Variants in ADGRA3 observed in about 807,000 individuals in gnomAD.
ADGRA3 encodes the protein adhesion G protein-coupled receptor A3, also known as G-protein coupled receptor 125.
Under a neutral mutation model 119.8 loss-of-function variants are expected in ADGRA3, and 56 were observed. The observed-to-expected ratio is 0.47, with a 90% CI of 0.38 to 0.58. ADGRA3 has a LOEUF of 0.58. ADGRA3 is among the 20% of genes least tolerant of loss of function. The pLI is 0.00. For synonymous variants in ADGRA3, 607 were observed against 623.8 expected (o/e 0.97, Z 0.40); for missense variants, 1,516 against 1,649.0 (o/e 0.92, Z 1.40).
At chr4:22,495,707 G>C (rs1718795524) in intron 1 of ADGRA3, among the ~76,000 whole-genome samples, 1 of 151,966 alleles carries the variant, frequency 6.6e-6, no homozygotes, top group Admixed American at 6.6e-5. Context: ...AGGAGATCGA[G>C]ATCATCCTGG....
intron 1 of ADGRA3, among the ~76,000 whole-genome samples, chr4:22,477,908 G>C (rs1718108478): frequency 6.6e-6 from 1 of 152,168 alleles, no homozygotes. Flanking sequence ...ATAGGGGACT[G>C]TGGAACTAGC....
At chr4:22,512,156 C>T (rs1045727279) in intron 1 of ADGRA3, among the ~76,000 whole-genome samples, 37 of 152,018 alleles carry the variant, frequency 2.4e-4, no homozygotes, top group African/African-American at 8.9e-4. Context: ...CCATCTCAAC[C>T]TCCCAAAGTA....
In ADGRA3 at chr4:22,420,810, A is replaced by G. The variant is rs540317458; in HGVS notation, c.1809+76T>C. The G allele has an allele frequency of 6.5e-4, 920 of 1,406,996 alleles. 5 individuals carry two copies. The highest frequency in any genetic ancestry group is 2.3e-3 in the Admixed American group (130 of 56,578). 87.2% of individuals were successfully genotyped at this position (1,406,996 alleles called of 1,614,324 possible). On this transcript the variant is annotated intron_variant, in intron 12 of 18. Transcript: ENST00000334304. ...AAAAAAAAAATCTTTTAATAAGGTT[A>G]TTTTGCGAAGCAGAACATTTGGAGC... is the stretch of plus-strand genomic sequence containing the variant.
chr4:22,442,207 G>T (rs1716641641), intron 7 of ADGRA3, among the ~76,000 whole-genome samples: 1 of 152,010 alleles, frequency 6.6e-6, no homozygotes, highest in African/African-American at 2.4e-5. Flanking sequence ...CACCAATTAT[G>T]AGGTTGATAG....
At chr4:22,432,598 C>T (rs1343487096) in intron 10 of ADGRA3, among the ~76,000 whole-genome samples, 3 of 152,162 alleles carry the variant, frequency 2.0e-5, no homozygotes, top group Non-Finnish European at 2.9e-5. Context: ...AAAGCATCAT[C>T]AGATCTAATC....
At chr4:22,422,795 G>A (rs1162625413) in intron 11 of ADGRA3, among the ~76,000 whole-genome samples, 1 of 152,154 alleles carries the variant, frequency 6.6e-6, no homozygotes, top group Non-Finnish European at 1.5e-5. Context: ...GCTAAAGGAT[G>A]AGATTTAAAA....
chr4:22,503,907 G>T (rs1719141409), intron 1 of ADGRA3, among the ~76,000 whole-genome samples: 3 of 152,100 alleles, frequency 2.0e-5, no homozygotes. Flanking sequence ...CTTCTTGTGT[G>T]GAGACATCTT....
At chr4:22,501,603 T>C (rs533215520) in intron 1 of ADGRA3, among the ~76,000 whole-genome samples, 207 of 152,200 alleles carry the variant, frequency 1.4e-3, no homozygotes, top group Non-Finnish European at 2.6e-3. Flanking sequence ...TCCTGGGGAC[T>C]CCCCACGTTT....
chr4:22,471,066 G>C (rs1230288954), intron 2 of ADGRA3, among the ~76,000 whole-genome samples: 1 of 152,152 alleles, frequency 6.6e-6, no homozygotes, highest in Non-Finnish European at 1.5e-5. Flanking sequence ...GGAAGACATA[G>C]GAGAGACGCA....
At chr4:22,419,232 T>A (rs955673940) in intron 12 of ADGRA3, among the ~76,000 whole-genome samples, 4 of 122,524 alleles carry the variant, frequency 3.3e-5, no homozygotes, top group Non-Finnish European at 1.7e-5. Flanking sequence ...GTTTTCTAGT[T>A]AGTATATTCA....
rs368455352 is a variant in ADGRA3, at chr4:22,401,384, T to C, written c.2481+47A>G. The C allele has an allele frequency of 2.6e-6, 4 of 1,532,978 alleles. No homozygotes were observed. In the African/African-American group the frequency reaches 4.1e-5, roughly 16 times the overall value. The allele number at this position is 1,532,978 out of a possible 1,614,324, so 95.0% of individuals were successfully genotyped here. ...CTTTTTATAGTTAATGAAATTATCT[T>C]CTAATACCAGTAATTTTTTCCATTT... On this transcript the variant is annotated intron_variant, in intron 16 of 18. Coordinates refer to ENST00000334304, the MANE Select transcript of ADGRA3 (RefSeq NM_145290.4).
At chr4:22,396,141 G>A (rs1417879750) in intron 16 of ADGRA3, among the ~76,000 whole-genome samples, 2 of 152,114 alleles carry the variant, frequency 1.3e-5, no homozygotes, top group Non-Finnish European at 2.9e-5. Flanking sequence ...CCAGACTTGA[G>A]TCAACGGCCC....
At chr4:22,508,350 T>G (rs1353262168) in intron 1 of ADGRA3, among the ~76,000 whole-genome samples, 2 of 152,172 alleles carry the variant, frequency 1.3e-5, no homozygotes, top group Admixed American at 6.5e-5. Context: ...TATAAACTGC[T>G]CAGGGGACAC....
chr4:22,498,590 C>T (rs554358057), intron 1 of ADGRA3, among the ~76,000 whole-genome samples: 3 of 151,614 alleles, frequency 2.0e-5, no homozygotes, highest in African/African-American at 7.3e-5. Context: ...TGCAATCCAG[C>T]CTAAGCAATG....
rs1430476243 is a variant in ADGRA3 at position 22,401,566 on chromosome 4, A to C, written c.2358-12T>G. 1 of 1,594,806 alleles carries C rather than the reference A, an allele frequency of 6.3e-7. No individual in the cohort carries two copies. The highest frequency in any genetic ancestry group is 1.1e-5 in the South Asian group (1 of 87,876). ...TGATTCTAATCAAACTGTTTAAAAA[A>C]GAGAGAAAATATTAATATTCAGGCT... On this transcript the variant is annotated splice_polypyrimidine_tract_variant and intron_variant, in intron 15 of 18. Coordinates refer to ENST00000334304, the MANE Select transcript of ADGRA3 (RefSeq NM_145290.4).
chr4:22,467,122 T>C (rs1560332011), intron 2 of ADGRA3, among the ~76,000 whole-genome samples: 1 of 152,202 alleles, frequency 6.6e-6, no homozygotes, highest in Admixed American at 6.5e-5. Context: ...CAAACATATG[T>C]AAGCATATTC....
intron 1 of ADGRA3, among the ~76,000 whole-genome samples, chr4:22,495,647 G>C (rs1281587960): frequency 6.6e-6 from 1 of 151,454 alleles, no homozygotes; most frequent in Non-Finnish European, 1.5e-5. Context: ...GGTGGCTCAC[G>C]CCTGTAATCC....
chr4:22,416,415 A>T (rs865837443), intron 12 of ADGRA3, among the ~76,000 whole-genome samples: 4 of 152,200 alleles, frequency 2.6e-5, no homozygotes, highest in South Asian at 2.1e-4. Context: ...ATGAGATCTG[A>T]AATAAAGGAT....
chr4:22,454,338 G>A (rs1196007229), intron 4 of ADGRA3, among the ~76,000 whole-genome samples: 2 of 152,072 alleles, frequency 1.3e-5, no homozygotes, highest in East Asian at 1.9e-4. Flanking sequence ...AAACAGAAAA[G>A]TTCAGAAAAG....
Sources: allele counts gnomAD v4.1 joint callset (sites outside exome capture counted in the v4.1 genomes callset), GRCh38; gene constraint gnomAD v4.1.1; transcripts MANE v1.5; gene names NCBI Gene and HGNC (gene_info 2026-07-23, HGNC 2026-07-21).